SULF2: variants seen among roughly 807,000 people sequenced by gnomAD.
SULF2 encodes the protein sulfatase 2.
Under a neutral mutation model 107.7 loss-of-function variants are expected in SULF2, and 52 were observed. The observed-to-expected ratio is 0.48, with a 90% confidence interval of 0.39 to 0.61. SULF2 has a LOEUF of 0.61. SULF2 is among the 20% of genes least tolerant of loss of function. SULF2 has a pLI of 0.00. For missense variants in SULF2, 993 were observed against 1,177.3 expected, an observed-to-expected ratio of 0.84 and a Z score of 2.29; for synonymous variants, 460 against 464.3, an observed-to-expected ratio of 0.99 and a Z score of 0.12.
intron 4 of SULF2, among the ~76,000 whole-genome samples, chr20:47,700,555 T>G (rs2088528653): frequency 1.3e-5 from 2 of 151,486 alleles, no homozygotes; most frequent in Non-Finnish European, 2.9e-5. Context: ...AAAGCAGCCC[T>G]GACAAAAAAG....
At chr20:47,725,366 A>G (rs552048440) in intron 3 of SULF2, among the ~76,000 whole-genome samples, 8 of 152,238 alleles carry the variant, frequency 5.3e-5, no homozygotes, top group Non-Finnish European at 1.0e-4. Flanking sequence ...TAATCTACCC[A>G]TATGAGTGAT....
chr20:47,719,794 A>G (rs1395575295), intron 3 of SULF2, among the ~76,000 whole-genome samples: 1 of 152,206 alleles, frequency 6.6e-6, no homozygotes, highest in South Asian at 2.1e-4. Context: ...CCGTAGAGCC[A>G]AAGCAGCTAC....
intron 1 of SULF2, among the ~76,000 whole-genome samples, chr20:47,770,484 C>T (rs748225796): frequency 3.9e-5 from 6 of 152,054 alleles, no homozygotes; most frequent in African/African-American, 9.7e-5. Flanking sequence ...AAGAGGTGGA[C>T]GGTTTCTGAA....
chr20:47,732,926 T>C (rs147238976), intron 3 of SULF2, among the ~76,000 whole-genome samples: 2,129 of 152,274 alleles, frequency 0.014, 24 homozygotes, highest in Admixed American at 0.019. Flanking sequence ...GAGATCCAAG[T>C]CCCTCAAGTT....
At chr20:47,775,886 A>G (rs562026133) in intron 1 of SULF2, among the ~76,000 whole-genome samples, 3 of 152,206 alleles carry the variant, frequency 2.0e-5, no homozygotes, top group Non-Finnish European at 4.4e-5. Flanking sequence ...GCAATGCACA[A>G]TGTAAGTGTC....
At chr20:47,691,284 CAA>C (rs1433829190) in intron 4 of SULF2, among the ~76,000 whole-genome samples, 1 of 152,130 alleles carries the variant, frequency 6.6e-6, no homozygotes, top group African/African-American at 2.4e-5. Flanking sequence ...AGAGATGTAA[CAA>C]AGAGTAACTG....
At chr20:47,756,107 C>T (rs1462501653) in intron 2 of SULF2, among the ~76,000 whole-genome samples, 1 of 152,204 alleles carries the variant, frequency 6.6e-6, no homozygotes, top group African/African-American at 2.4e-5. Context: ...CTAAGCATGA[C>T]TATAGCCGAA....
chr20:47,728,585 C>T (rs13042366), intron 3 of SULF2, among the ~76,000 whole-genome samples: 1 of 152,168 alleles, frequency 6.6e-6, no homozygotes, highest in East Asian at 1.9e-4. Context: ...TGGGCACTCT[C>T]TAGGCCTGGC....
intron 2 of SULF2, among the ~76,000 whole-genome samples, chr20:47,744,665 G>A (rs1487286880): frequency 6.6e-6 from 1 of 152,100 alleles, no homozygotes; most frequent in Non-Finnish European, 1.5e-5. Context: ...TGGCCTCCCA[G>A]TGTTGGGATA....
intron 16 of SULF2, 114 bp downstream of exon 16, chr20:47,663,339 G>A (rs996751547): frequency 2.1e-5 from 33 of 1,570,794 alleles, no homozygotes; most frequent in Admixed American, 8.6e-5. Flanking sequence ...CCCGAGCACC[G>A]TGGACCCCTG....
At position 47,658,220 on chromosome 20, in the gene SULF2, A is replaced by G. The variant is rs2086955433; in HGVS notation, c.*142T>C. ...TGCTGGTTATCCTCCAGAATCTGTC[A>G]TGTTGACTGAGAGTGCGTGCTTGCT... On this transcript the variant is annotated 3_prime_UTR_variant, in exon 21 of 21. Coordinates refer to ENST00000688720, the MANE Select transcript of SULF2 (RefSeq NM_001387048.1). 11 of 805,334 alleles carry G rather than the reference A, an allele frequency of 1.4e-5. No homozygotes were observed. Among genetic ancestry groups the G allele is most frequent in the South Asian group, 1.2e-4 (8 of 67,968 alleles). The allele number at this position is 805,334 out of a possible 1,614,324, so 49.9% of individuals were successfully genotyped here.
chr20:47,735,570 T>G (rs1024274130), intron 3 of SULF2, among the ~76,000 whole-genome samples: 5 of 152,184 alleles, frequency 3.3e-5, no homozygotes, highest in Non-Finnish European at 4.4e-5. Context: ...CCATGGTAAC[T>G]TCTGACACAT....
At chr20:47,716,694 C>T (rs2089132866) in intron 3 of SULF2, among the ~76,000 whole-genome samples, 2 of 152,076 alleles carry the variant, frequency 1.3e-5, no homozygotes, top group African/African-American at 4.8e-5. Flanking sequence ...ATGAAAAATC[C>T]AGCCTCACAC....
In SULF2 at chr20:47,676,991, A is replaced by G. The variant is rs566537273; in HGVS notation, c.1250+87T>C. The G allele has an allele frequency of 3.4e-6, 5 of 1,449,838 alleles. No individual in the cohort carries two copies. The East Asian group carries it at 1.1e-4, about 33-fold the overall frequency. The allele number at this position is 1,449,838 out of a possible 1,614,324, so 89.8% of individuals were successfully genotyped here. A position where few individuals can be genotyped will look rare whatever the true frequency, so the allele number is the denominator to read the frequency against. On this transcript the variant is annotated intron_variant, in intron 9 of 20. Transcript: ENST00000688720. Reference sequence around the variant, plus strand: ...CTTCAGAGCCATGGGCAGCTCCTGAATAGCATGATGCGGTGGGGCTACAGA... The same window carrying G: ...CTTCAGAGCCATGGGCAGCTCCTGAGTAGCATGATGCGGTGGGGCTACAGA...
intron 2 of SULF2, among the ~76,000 whole-genome samples, chr20:47,743,242 T>G (rs372117494): frequency 6.6e-6 from 1 of 152,194 alleles, no homozygotes; most frequent in African/African-American, 2.4e-5. Context: ...AAATTCACTC[T>G]AATCACTGTT....
chr20:47,668,215 C>G (rs2087341231), intron 11 of SULF2, among the ~76,000 whole-genome samples: 1 of 152,230 alleles, frequency 6.6e-6, no homozygotes, highest in African/African-American at 2.4e-5. Context: ...CATCTCCCAG[C>G]TCTAGATTCA....
chr20:47,687,936 G>T (rs936529754), intron 5 of SULF2, among the ~76,000 whole-genome samples: 2 of 151,940 alleles, frequency 1.3e-5, no homozygotes, highest in Admixed American at 6.6e-5. Flanking sequence ...GTGTTTCATT[G>T]TGTGTATCTG....
chr20:47,736,565 C>T lies in SULF2; in HGVS notation c.415+138G>A, dbSNP rs535136652. 9.8e-6 allele frequency: 12 copies of T among 1,222,340 alleles called. No individual in the cohort carries two copies. In the African/African-American group the frequency reaches 1.7e-4, roughly 17 times the overall value. The allele number at this position is 1,222,340 out of a possible 1,614,324, so 75.7% of individuals were successfully genotyped here. The stretch of plus-strand genomic sequence containing the variant: ...TTTAATACACACAGAAATAAATGCA[C>T]AACTCTGAAATTATAAGAGAGTTGC... On this transcript the variant is annotated intron_variant, in intron 3 of 20. Coordinates refer to ENST00000688720, the MANE Select transcript of SULF2 (RefSeq NM_001387048.1).
chr20:47,663,671 G>A (rs1419270719), intron 15 of SULF2, 49 bp from the exon 16 acceptor site: 1 of 1,519,722 alleles, frequency 6.6e-7, no homozygotes, highest in South Asian at 1.3e-5. Flanking sequence ...AGGGATCAGT[G>A]ACCCCATGTC....
Sources: gnomAD v4.1 joint callset for allele counts (sites outside exome capture counted in the v4.1 genomes callset) on GRCh38, gnomAD v4.1.1 for gene constraint, MANE v1.5 for transcripts, NCBI Gene and HGNC (gene_info 2026-07-23, HGNC 2026-07-21) for gene names.